TRAM1L1: variants seen among roughly 807,000 people sequenced by gnomAD.
TRAM1L1 encodes translocating chain-associated membrane protein 1-like 1.
For synonymous variants in TRAM1L1, 189 were observed against 163.6 expected (o/e 1.16, Z -1.18); for missense variants, 451 against 439.9 (o/e 1.03, Z -0.23).
chr4:117,084,597 A>AT lies in TRAM1L1; in HGVS notation c.796dup (p.Ile266AsnfsTer20). On this transcript the variant is annotated frameshift_variant, in exon 1 of 1. Coordinates refer to ENST00000310754, the MANE Select transcript of TRAM1L1 (RefSeq NM_152402.3). LOFTEE classifies it low-confidence loss of function (END_TRUNC). ...AAACCCAACAGTGAGTACGGAAACA[A>AT]TTAAAGTCACAAGTCTACCCAAGAT... is the stretch of plus-strand genomic sequence containing the variant. The AT allele has an allele frequency of 6.2e-7, 1 of 1,614,214 alleles. No homozygotes were observed. Among genetic ancestry groups the AT allele is most frequent in the Non-Finnish European group, 8.5e-7 (1 of 1,180,028 alleles).
rs770125494 is a variant in TRAM1L1, at chr4:117,084,242, A to G, written c.*42T>C. Reference sequence around the variant, plus strand: ...TCTAGTGCAGAAAGAAACCTCAAAGAGCAGATTCCTTTGCAGACATTAATC... The same window carrying G: ...TCTAGTGCAGAAAGAAACCTCAAAGGGCAGATTCCTTTGCAGACATTAATC... On this transcript the variant is annotated 3_prime_UTR_variant, in exon 1 of 1. Transcript: ENST00000310754. 1 of 1,530,894 alleles carries G rather than the reference A, an allele frequency of 6.5e-7. No individual in the cohort carries two copies. The highest frequency in any genetic ancestry group is 2.3e-5 in the East Asian group (1 of 44,288). 94.8% of individuals were successfully genotyped at this position (1,530,894 alleles called of 1,614,324 possible). A position where few individuals can be genotyped will look rare whatever the true frequency, so the allele number is the denominator to read the frequency against.
rs985279686 is a variant in TRAM1L1, at chr4:117,084,194, C to A, written c.*90G>T. The A allele has an allele frequency of 3.0e-6, 4 of 1,342,054 alleles. No individual in the cohort carries two copies. Among genetic ancestry groups the A allele is most frequent in the Non-Finnish European group, 3.0e-6 (3 of 990,320 alleles). The allele number at this position is 1,342,054 out of a possible 1,614,324, so 83.1% of individuals were successfully genotyped here. A position where few individuals can be genotyped will look rare whatever the true frequency, so the allele number is the denominator to read the frequency against. ...AATAACAAAAACCGAAGAGCACGAA[C>A]TATTTTCAAAAACAGAAAAATCTCT... On this transcript the variant is annotated 3_prime_UTR_variant, in exon 1 of 1. Transcript: ENST00000310754.
In TRAM1L1 at chr4:117,084,267, C is replaced by T. The variant is rs752227111; in HGVS notation, c.*17G>A. ...AGCAGATTCCTTTGCAGACATTAAT[C>T]AATGCGCTTGCAAAGATTATGAAGA... On this transcript the variant is annotated 3_prime_UTR_variant, in exon 1 of 1. Coordinates refer to ENST00000310754, the MANE Select transcript of TRAM1L1 (RefSeq NM_152402.3). 6.3e-7 allele frequency: 1 copy of T among 1,580,198 alleles called. No homozygotes were observed. Among genetic ancestry groups the T allele is most frequent in the South Asian group, 1.2e-5 (1 of 83,972 alleles).
In TRAM1L1 at chr4:117,084,810, C is replaced by G; in HGVS notation, c.584G>C (p.Arg195Pro). ...FQKTKKQDIP[R>P]QLVYIGLHLF... ...GTGAAGACCAATGTAGACAAGTTGA[C>G]GAGGGATGTCTTGTTTTTTGGTTTT... The change falls in exon 1 of 1, where the codon CGT (arginine) becomes CCT (proline). Residue 195 changes from arginine to proline, a missense_variant. Coordinates refer to ENST00000310754, the MANE Select transcript of TRAM1L1 (RefSeq NM_152402.3). 1 of 1,614,108 alleles carries G rather than the reference C, an allele frequency of 6.2e-7. No homozygotes were observed.
chr4:117,084,428 C>T lies in TRAM1L1; in HGVS notation c.966G>A (p.Arg322=). 1.2e-6 allele frequency: 2 copies of T among 1,614,182 alleles called. No individual in the cohort carries two copies. The highest frequency in any genetic ancestry group is 1.7e-6 in the Non-Finnish European group (2 of 1,180,042). Reference sequence around the variant, plus strand: ...CCTGAATATTAGAATCTTCTACCCACCTCTGAAGCCAGAGAGTAATTAAGT... The same window carrying T: ...CCTGAATATTAGAATCTTCTACCCATCTCTGAAGCCAGAGAGTAATTAAGT... ...TWNLITLWLQ[R]WVEDSNIQAS... is the part of the protein sequence containing the mutation. Residue 322 remains arginine, a synonymous_variant, in exon 1 of 1, where the codon AGG becomes AGA. Coordinates refer to ENST00000310754, the MANE Select transcript of TRAM1L1 (RefSeq NM_152402.3).
In TRAM1L1 at chr4:117,085,072, T is replaced by G. The variant is rs1021505456; in HGVS notation, c.322A>C (p.Arg108=). ...QEYVLDKINK[R]MQFTKAKQNK... ...TGTTTCGCTTTGGTGAACTGCATTCTCTTGTTAATTTTATCCAACACATAT... is the reference window on the plus strand; with the variant it reads ...TGTTTCGCTTTGGTGAACTGCATTCGCTTGTTAATTTTATCCAACACATAT... Residue 108 remains arginine (R), a synonymous_variant, in exon 1 of 1, where the codon AGA becomes CGA. Transcript: ENST00000310754. 1.2e-6 allele frequency: 2 copies of G among 1,614,010 alleles called. No individual in the cohort carries two copies. Among genetic ancestry groups the G allele is most frequent in the African/African-American group, 2.7e-5 (2 of 74,910 alleles).
rs374685978 is a variant in TRAM1L1 at position 117,084,412 on chromosome 4, T to C, written c.982A>G (p.Asn328Asp). The C allele has an allele frequency of 6.2e-7, 1 of 1,614,192 alleles. No individual in the cohort carries two copies. The highest frequency in any genetic ancestry group is 8.5e-7 in the Non-Finnish European group (1 of 1,180,042). ...LWLQRWVEDS[N>D]IQASCMKKKR... ...TTTTTCATACATGAGGCCTGAATAT[T>C]AGAATCTTCTACCCACCTCTGAAGC... is the stretch of plus-strand genomic sequence containing the variant. The change falls in exon 1 of 1, where the codon AAT (asparagine) becomes GAT (aspartate). Residue 328 changes from asparagine to aspartate, a missense_variant. Transcript: ENST00000310754.
Position 117,084,132 on chromosome 4 carries a change from C to T in TRAM1L1, c.*152G>A. The T allele has an allele frequency of 1.5e-6, 1 of 673,828 alleles. No individual in the cohort carries two copies. The highest frequency in any genetic ancestry group is 2.8e-5 in the East Asian group (1 of 35,932). The allele number at this position is 673,828 out of a possible 1,614,324, so 41.7% of individuals were successfully genotyped here. ...TTTTCCCATTCATAATAATCCTCCT[C>T]CCCTCAAATGTCTTTAAAAAATACA... On this transcript the variant is annotated 3_prime_UTR_variant, in exon 1 of 1. Transcript: ENST00000310754.
chr4:117,084,206 AC>A lies in TRAM1L1; in HGVS notation c.*77del. On this transcript the variant is annotated 3_prime_UTR_variant, in exon 1 of 1. Coordinates refer to ENST00000310754, the MANE Select transcript of TRAM1L1 (RefSeq NM_152402.3). The stretch of plus-strand genomic sequence containing the variant: ...CGAAGAGCACGAACTATTTTCAAAA[AC>A]AGAAAAATCTCTAGTGCAGAAAGAA... The A allele has an allele frequency of 7.0e-7, 1 of 1,435,154 alleles. No homozygotes were observed. The highest frequency in any genetic ancestry group is 1.4e-5 in the African/African-American group (1 of 70,212). 88.9% of individuals were successfully genotyped at this position (1,435,154 alleles called of 1,614,324 possible).
chr4:117,085,512 C>T lies in TRAM1L1; in HGVS notation c.-119G>A. Reference sequence around the variant, plus strand: ...TCCACTTCCCATCCCGAAGTCAGTCCCGGGTCGCAGCGGCCGCCCAGAAAA... The same window carrying T: ...TCCACTTCCCATCCCGAAGTCAGTCTCGGGTCGCAGCGGCCGCCCAGAAAA... On this transcript the variant is annotated 5_prime_UTR_variant, in exon 1 of 1. Coordinates refer to ENST00000310754, the MANE Select transcript of TRAM1L1 (RefSeq NM_152402.3). The T allele has an allele frequency of 7.1e-7, 1 of 1,399,462 alleles. No individual in the cohort carries two copies. The highest frequency in any genetic ancestry group is 9.6e-7 in the Non-Finnish European group (1 of 1,039,092). 86.7% of individuals were successfully genotyped at this position (1,399,462 alleles called of 1,614,324 possible). A position where few individuals can be genotyped will look rare whatever the true frequency, so the allele number is the denominator to read the frequency against.
At position 117,085,222 on chromosome 4, in the gene TRAM1L1, C is replaced by T; in HGVS notation, c.172G>A (p.Ala58Thr). ...IVFLTLQHSV[A>T]VPAAEEQATG... is the part of the protein sequence containing the mutation. ...GCTTGTTCCTCTGCTGCAGGGACAGCAACACTGTGCTGAAGAGTGAGAAAC... is the reference window on the plus strand; with the variant it reads ...GCTTGTTCCTCTGCTGCAGGGACAGTAACACTGTGCTGAAGAGTGAGAAAC... The change falls in exon 1 of 1, where the codon GCT becomes ACT. Residue 58 changes from alanine (A) to threonine (T), a missense_variant. Physicochemically the swap from Ala to Thr is moderately conservative, Grantham distance 58. Transcript: ENST00000310754. 2 of 1,614,110 alleles carry T rather than the reference C, an allele frequency of 1.2e-6. No homozygotes were observed. The highest frequency in any genetic ancestry group is 1.7e-6 in the Non-Finnish European group (2 of 1,180,016).
In TRAM1L1 at chr4:117,084,945, G is replaced by T; in HGVS notation, c.449C>A (p.Thr150Asn). 1.2e-6 allele frequency: 2 copies of T among 1,614,142 alleles called. No individual in the cohort carries two copies. Among genetic ancestry groups the T allele is most frequent in the Admixed American group, 1.7e-5 (1 of 60,022 alleles). ...LISENCLSDP[T>N]LIWKARPHSM... The stretch of plus-strand genomic sequence containing the variant: ...ATGGGGACGAGCCTTCCATATAAGA[G>T]TTGGGTCTGACAGGCAGTTTTCAGA... Residue 150 changes from threonine (T) to asparagine (N), a missense_variant, in exon 1 of 1, where the codon ACT (threonine) becomes AAT (asparagine). Thr to Asn is a moderately conservative substitution (Grantham distance 65, BLOSUM62 0). Transcript: ENST00000310754.
At position 117,084,402 on chromosome 4, in the gene TRAM1L1, G is replaced by A; in HGVS notation, c.992C>T (p.Ala331Val). The change falls in exon 1 of 1, where the codon GCC becomes GTC. Residue 331 changes from alanine to valine, a missense_variant. Ala to Val is a moderately conservative substitution (Grantham distance 64). Transcript: ENST00000310754. Reference protein sequence around the residue: ...QRWVEDSNIQASCMKKKRSRS... With the variant: ...QRWVEDSNIQVSCMKKKRSRS... ...CGACCGTTTCTTTTTCATACATGAG[G>A]CCTGAATATTAGAATCTTCTACCCA... is the stretch of plus-strand genomic sequence containing the variant. 1 of 1,614,008 alleles carries A rather than the reference G, an allele frequency of 6.2e-7. No individual in the cohort carries two copies. Among genetic ancestry groups the A allele is most frequent in the African/African-American group, 1.3e-5 (1 of 74,982 alleles).
At position 117,084,786 on chromosome 4, in the gene TRAM1L1, T is replaced by G. The variant is rs1732417633; in HGVS notation, c.608A>C (p.His203Pro). Residue 203 changes from histidine (H) to proline (P), a missense_variant, in exon 1 of 1, where the codon CAC (histidine) becomes CCC (proline). Coordinates refer to ENST00000310754, the MANE Select transcript of TRAM1L1 (RefSeq NM_152402.3). ...IPRQLVYIGL[H>P]LFHITGAYLL... ...ATAAGCTCCAGTAATGTGGAAGAGG[T>G]GAAGACCAATGTAGACAAGTTGACG... The G allele has an allele frequency of 6.2e-7, 1 of 1,614,066 alleles. No homozygotes were observed. The highest frequency in any genetic ancestry group is 1.1e-5 in the South Asian group (1 of 91,090).
Position 117,084,700 on chromosome 4 carries a change from G to C in TRAM1L1, c.694C>G (p.Leu232Val), listed in dbSNP as rs556393685. Residue 232 changes from leucine to valine, a missense_variant, in exon 1 of 1, where the codon CTT becomes GTT. By Grantham distance (32) the Leu-to-Val change is conservative. Transcript: ENST00000310754. Reference sequence around the variant, plus strand: ...TAAAACAGGCCGCACATGTGGGAAAGTAATTCAACAAAATAATGCAGTACC... The same window carrying C: ...TAAAACAGGCCGCACATGTGGGAAACTAATTCAACAAAATAATGCAGTACC... ...LLVLHYFVELLSHMCGLFYFS... is the reference protein window; with the variant it reads ...LLVLHYFVELVSHMCGLFYFS... 16 of 1,614,126 alleles carry C rather than the reference G, an allele frequency of 9.9e-6. No individual in the cohort carries two copies. In the South Asian group the frequency reaches 1.8e-4, roughly 18 times the overall value.
chr4:117,084,483 C>A lies in TRAM1L1; in HGVS notation c.911G>T (p.Ser304Ile). The A allele has an allele frequency of 1.2e-6, 2 of 1,614,154 alleles. No homozygotes were observed. The highest frequency in any genetic ancestry group is 1.7e-6 in the Non-Finnish European group (2 of 1,180,036). The change falls in exon 1 of 1, where the codon AGT becomes ATT. Residue 304 changes from serine (S) to isoleucine (I), a missense_variant. Transcript: ENST00000310754. Reference sequence around the variant, plus strand: ...TGTTACGTAGGCTTGGATCGTGCAACTGGACGACAGAACAGCAATTTTAGC... The same window carrying A: ...TGTTACGTAGGCTTGGATCGTGCAAATGGACGACAGAACAGCAATTTTAGC... ...LAAKIAVLSS[S>I]CTIQAYVTWN...
At position 117,085,181 on chromosome 4, in the gene TRAM1L1, G is replaced by GT; in HGVS notation, c.212_213insA (p.Leu72ProfsTer33). ...AATCTTTGACACCATAATAATAGAG[G>GT]GACTTTGAGCCCGTGGCTTGTTCCT... On this transcript the variant is annotated frameshift_variant, in exon 1 of 1. Coordinates refer to ENST00000310754, the MANE Select transcript of TRAM1L1 (RefSeq NM_152402.3). LOFTEE classifies it low-confidence loss of function (END_TRUNC). The GT allele has an allele frequency of 1.2e-6, 2 of 1,613,976 alleles. No individual in the cohort carries two copies. The highest frequency in any genetic ancestry group is 1.7e-6 in the Non-Finnish European group (2 of 1,179,982).
chr4:117,084,727 AAAG>A lies in TRAM1L1; in HGVS notation c.664_666del (p.Leu223del), dbSNP rs763927939. 8 of 1,614,046 alleles carry A rather than the reference AAAG, an allele frequency of 5.0e-6. No individual in the cohort carries two copies. The highest frequency in any genetic ancestry group is 2.2e-5 in the East Asian group (1 of 44,886). Reference sequence around the variant, plus strand: ...AATTCAACAAAATAATGCAGTACCAAAAGAAGAAGTCCCAAATGATTCAAGTAC... The same window carrying A: ...AATTCAACAAAATAATGCAGTACCAAAAGAAGTCCCAAATGATTCAAGTAC... On this transcript the variant is annotated inframe_deletion, in exon 1 of 1. Transcript: ENST00000310754.
chr4:117,084,170 A>G lies in TRAM1L1; in HGVS notation c.*114T>C, dbSNP rs368738484. 2.3e-4 allele frequency: 246 copies of G among 1,088,120 alleles called. 1 individual carries two copies. Among genetic ancestry groups the G allele is most frequent in the African/African-American group, 6.9e-4 (44 of 63,704 alleles). The allele number at this position is 1,088,120 out of a possible 1,614,324, so 67.4% of individuals were successfully genotyped here. ...TTTAAAAAATACATGAAACAGTTCA[A>G]TAACAAAAACCGAAGAGCACGAACT... On this transcript the variant is annotated 3_prime_UTR_variant, in exon 1 of 1. Transcript: ENST00000310754.
Sources: gnomAD v4.1 joint callset for allele counts on GRCh38, gnomAD v4.1.1 for gene constraint, MANE v1.5 for transcripts, NCBI Gene and HGNC (gene_info 2026-07-23, HGNC 2026-07-21) for gene names.